VPS13B: variants seen among roughly 807,000 people sequenced by gnomAD.
The protein encoded by VPS13B is vacuolar protein sorting 13 homolog B.
VPS13B carries 285 observed loss-of-function variants against 426.4 expected under a neutral mutation model. The observed-to-expected ratio is 0.67, with a 90% CI of 0.61 to 0.74. The LOEUF (loss-of-function observed/expected upper bound fraction) is 0.74, where lower values mean the gene tolerates loss of function less well. VPS13B is among the 30% of genes least tolerant of loss of function. VPS13B has a pLI of 0.00. For synonymous variants in VPS13B, 1,676 were observed against 1,676.4 expected (o/e 1.00, Z 0.01); for missense variants, 4,537 against 4,782.6 (o/e 0.95, Z 1.51).
chr8:99,869,645 G>C (rs12541837), intron 59 of VPS13B, among the ~76,000 whole-genome samples: 17,857 of 152,180 alleles, frequency 0.12, 1,089 homozygotes, highest in Non-Finnish European at 0.13. Flanking sequence ...GTGAGGTAAA[G>C]TGAAGTCATA....
chr8:99,834,734 T>A (rs1815285717), intron 52 of VPS13B, among the ~76,000 whole-genome samples: 1 of 152,104 alleles, frequency 6.6e-6, no homozygotes, highest in African/African-American at 2.4e-5. Context: ...AATTTTTGTA[T>A]TTTGCTGTAG....
In VPS13B at chr8:99,720,976, A is replaced by G. The variant is rs761504023; in HGVS notation, c.6979A>G (p.Ile2327Val). ...PEPRVLTLVR[I>V]TPVPFNTTED... ...ACCTAGAGTACTCACCCTTGTACGA[A>G]TAACTCCTGTACCTTTTAACACCAC... The change falls in exon 39 of 62, where the codon ATA becomes GTA. Residue 2327 changes from isoleucine (I) to valine (V), a missense_variant. Around this residue, in one of 2 missense-constraint regions of VPS13B, gnomAD observed 4,311 missense variants for 4,474.3 expected, o/e 0.96. Coordinates refer to ENST00000357162, the MANE Select transcript of VPS13B (RefSeq NM_152564.5). 8.1e-6 allele frequency: 13 copies of G among 1,613,950 alleles called. No homozygotes were observed. The African/African-American group carries it at 1.7e-4, about 22-fold the overall frequency.
At chr8:99,554,611 G>A (rs1374856599) in intron 30 of VPS13B, among the ~76,000 whole-genome samples, 2 of 151,962 alleles carry the variant, frequency 1.3e-5, no homozygotes, top group East Asian at 3.9e-4. Flanking sequence ...AAGTCAATGT[G>A]GTATTATTAT....
intron 19 of VPS13B, among the ~76,000 whole-genome samples, chr8:99,379,249 C>G (rs1813662380): frequency 6.6e-6 from 1 of 152,162 alleles, no homozygotes; most frequent in South Asian, 2.1e-4. Flanking sequence ...TTCCTGGTGC[C>G]ATAAAGACTG....
chr8:99,681,838 C>G (rs1831166316), intron 35 of VPS13B, among the ~76,000 whole-genome samples: 2 of 152,166 alleles, frequency 1.3e-5, no homozygotes, highest in South Asian at 4.2e-4. Flanking sequence ...AATTTTGATA[C>G]ATAAATAACA....
chr8:99,713,486 A>C (rs534057413), intron 36 of VPS13B, among the ~76,000 whole-genome samples: 13 of 152,334 alleles, frequency 8.5e-5, no homozygotes, highest in African/African-American at 3.1e-4. Flanking sequence ...GGTTACAAAT[A>C]AGGAAGGCGA....
rs765929955 is a variant in VPS13B, at chr8:99,147,942, A to G, written c.1945A>G (p.Thr649Ala). 6.2e-7 allele frequency: 1 copy of G among 1,613,838 alleles called. No individual in the cohort carries two copies. ...TACAAGTGTTACTCTCCTCAAATGT[A>G]CCTGCACAATTTCCATGGCTGAATT... ...RHTSVTLLKCTCTISMAEFNL... is the reference protein window; with the variant it reads ...RHTSVTLLKCACTISMAEFNL... Residue 649 changes from threonine to alanine, a missense_variant, in exon 14 of 62, where the codon ACC becomes GCC. Physicochemically the swap from Thr to Ala is moderately conservative, Grantham distance 58. Around this residue, in one of 2 missense-constraint regions of VPS13B, gnomAD observed 4,311 missense variants for 4,474.3 expected, o/e 0.96. Transcript: ENST00000357162.
chr8:99,017,536 C>T (rs1222049952), intron 2 of VPS13B, among the ~76,000 whole-genome samples: 1 of 151,592 alleles, frequency 6.6e-6, no homozygotes, highest in African/African-American at 2.4e-5. Flanking sequence ...GCTCTGTAGC[C>T]CAGGCTGGAG....
At position 99,511,243 on chromosome 8, in the gene VPS13B, G is replaced by A. The variant is rs1226718341; in HGVS notation, c.4364G>A (p.Gly1455Asp). Residue 1455 changes from glycine (G) to aspartate (D), a missense_variant, in exon 29 of 62, where the codon GGC becomes GAC. Physicochemically the swap from Gly to Asp is moderately conservative, Grantham distance 94. Transcript: ENST00000357162. The stretch of plus-strand genomic sequence containing the variant: ...AGAAGTTTTCATAAGTTATCTGAAG[G>A]CCTAATGGATGGTTCTCCTCATTTT... The part of the protein sequence containing the change: ...ERRSFHKLSE[G>D]LMDGSPHFLH... 1.2e-6 allele frequency: 2 copies of A among 1,614,058 alleles called. No homozygotes were observed. Among genetic ancestry groups the A allele is most frequent in the South Asian group, 1.1e-5 (1 of 91,078 alleles).
At chr8:99,513,236 T>C (rs1821887352) in intron 29 of VPS13B, among the ~76,000 whole-genome samples, 1 of 152,012 alleles carries the variant, frequency 6.6e-6, no homozygotes, top group Admixed American at 6.6e-5. Context: ...TGTATTTCAT[T>C]TAAAATATGT....
At chr8:99,875,335 A>C in intron 61 of VPS13B, 83 bp from the exon 62 acceptor site, 2 of 1,588,212 alleles carry the variant, frequency 1.3e-6, no homozygotes, top group Non-Finnish European at 1.7e-6. Context: ...TAATGTACAA[A>C]TATATCGAGG....
intron 39 of VPS13B, among the ~76,000 whole-genome samples, chr8:99,761,833 TTTAG>T (rs897725810): frequency 2.6e-5 from 4 of 152,160 alleles, no homozygotes; most frequent in Middle Eastern, 3.2e-3. Flanking sequence ...ATTTTTTATT[TTTAG>T]TTAGTATGGG....
intron 3 of VPS13B, among the ~76,000 whole-genome samples, chr8:99,063,619 A>T (rs1344241357): frequency 6.6e-6 from 1 of 152,134 alleles, no homozygotes; most frequent in Non-Finnish European, 1.5e-5. Flanking sequence ...CTGCTGCCTC[A>T]TAGACTCCAC....
chr8:99,828,412 T>TGC (rs1563495304), intron 51 of VPS13B, among the ~76,000 whole-genome samples: 8 of 112,660 alleles, frequency 7.1e-5, no homozygotes, highest in African/African-American at 2.8e-4. Context: ...TTTTTTTTTT[T>TGC]TTTTTTTTTT....
intron 33 of VPS13B, among the ~76,000 whole-genome samples, chr8:99,603,836 T>G (rs186662543): frequency 3.6e-4 from 55 of 152,304 alleles, no homozygotes; most frequent in Middle Eastern, 3.4e-3. Context: ...CATTTGATGA[T>G]TTTTTCCTCT....
At chr8:99,209,778 C>A (rs1169198166) in intron 17 of VPS13B, 2 of 903,896 alleles carry the variant, frequency 2.2e-6, no homozygotes, top group Non-Finnish European at 2.6e-6. Flanking sequence ...ATTAAATATT[C>A]TTTATACAAG....
chr8:99,632,932 G>A (rs954363288), intron 33 of VPS13B, among the ~76,000 whole-genome samples: 4 of 151,912 alleles, frequency 2.6e-5, no homozygotes, highest in African/African-American at 7.2e-5. Context: ...TTACTTTGAA[G>A]AGAATCTAGC....
intron 35 of VPS13B, among the ~76,000 whole-genome samples, chr8:99,692,100 T>G (rs1385107241): frequency 1.4e-5 from 2 of 142,886 alleles, no homozygotes; most frequent in Non-Finnish European, 3.1e-5. Flanking sequence ...AATGGGAGAC[T>G]TTAACACCCC....
At chr8:99,365,516 C>CTTCTTTTTTTTTTTTTTTTT (rs71273182) in intron 19 of VPS13B, among the ~76,000 whole-genome samples, 2 of 102,392 alleles carry the variant, frequency 2.0e-5, no homozygotes, top group Non-Finnish European at 3.7e-5. Flanking sequence ...TCTTCTTCTT[C>CTTCTTTTTTTTTTTTTTTTT]TTTTTTTTTT....
Sources: gnomAD v4.1 joint callset for allele counts (sites outside exome capture counted in the v4.1 genomes callset) on GRCh38, gnomAD v4.1.1 for gene constraint, gnomAD v4.1.1 regional missense constraint, MANE v1.5 for transcripts, NCBI Gene and HGNC (gene_info 2026-07-23, HGNC 2026-07-21) for gene names.